The following ANO4 variants were observed in gnomAD, a reference collection of about 807,000 sequenced individuals.
ANO4 encodes anoctamin 4, also known as anoctamin-4.
A neutral mutation model predicts 141.9 loss-of-function variants in ANO4; 69 were observed. The ratio of observed to expected loss-of-function variants is 0.49; its 90% confidence interval spans 0.40 to 0.59. ANO4 has a LOEUF of 0.59. ANO4 is among the 20% of genes least tolerant of loss of function. ANO4 has a pLI of 0.00. For missense variants in ANO4, 894 were observed against 1,162.2 expected (o/e 0.77, Z 3.36); for synonymous variants, 350 against 394.3 (o/e 0.89, Z 1.33).
At chr12:100,837,494 G>A (rs1446910564) in intron 1 of ANO4, among the ~76,000 whole-genome samples, 2 of 151,960 alleles carry the variant, frequency 1.3e-5, no homozygotes, top group Admixed American at 6.6e-5. Context: ...TTGCTCTCTC[G>A]ACCGGGTGCA....
chr12:100,868,618 C>T (rs2038879005), intron 1 of ANO4, among the ~76,000 whole-genome samples: 1 of 152,136 alleles, frequency 6.6e-6, no homozygotes, highest in Non-Finnish European at 1.5e-5. Flanking sequence ...CACCCCCATC[C>T]CATTTTCCAG....
chr12:101,102,690 T>C (rs1453772074), intron 22 of ANO4, among the ~76,000 whole-genome samples: 1 of 152,114 alleles, frequency 6.6e-6, no homozygotes, highest in Non-Finnish European at 1.5e-5. Context: ...TGAAAAGAAA[T>C]TTCAGCTTCA....
rs565626418 is a variant in ANO4, at chr12:101,122,229, TG to T, written c.2676+1608del. Reference sequence around the variant, plus strand: ...TTTGTGTCCTTTGACCACTTTTTAATGGGGTTATTTGTTTTTTACATGTTGA... The same window carrying T: ...TTTGTGTCCTTTGACCACTTTTTAATGGGTTATTTGTTTTTTACATGTTGA... On this transcript the variant is annotated intron_variant, in intron 26 of 27. Coordinates refer to ENST00000392977, the MANE Select transcript of ANO4 (RefSeq NM_001286615.2). Among the ~76,000 whole-genome samples, 56 of 152,340 alleles carry T rather than the reference TG, an allele frequency of 3.7e-4. 1 individual carries two copies. Among genetic ancestry groups the T allele is most frequent in the African/African-American group, 1.1e-3 (46 of 41,582 alleles).
At chr12:101,126,835 G>T in intron 26 of ANO4, 44 bp from the exon 27 acceptor site, 1 of 1,558,282 alleles carries the variant, frequency 6.4e-7, no homozygotes, top group Non-Finnish European at 8.8e-7. Flanking sequence ...CCTCATTCAG[G>T]ATGCACAGTA....
chr12:101,091,846 TA>T (rs1329230314), intron 17 of ANO4, among the ~76,000 whole-genome samples: 2 of 152,210 alleles, frequency 1.3e-5, no homozygotes, highest in East Asian at 3.9e-4. Context: ...AAAATATTTT[TA>T]TATAGTATTT....
intron 1 of ANO4, chr12:100,717,619 C>T (rs1384966960): frequency 1.5e-5 from 6 of 398,948 alleles, no homozygotes; most frequent in African/African-American, 6.2e-5. Context: ...GTCGAAACAC[C>T]CGGGGAAACT....
intron 26 of ANO4, among the ~76,000 whole-genome samples, 166 bp downstream of exon 26, chr12:101,120,791 A>C (rs2051056073): frequency 6.6e-6 from 1 of 152,142 alleles, no homozygotes; most frequent in African/African-American, 2.4e-5. Context: ...TAATTGAAGT[A>C]TTTGATTTTT....
intron 19 of ANO4, among the ~76,000 whole-genome samples, chr12:101,096,951 T>C (rs1186225600): frequency 6.6e-6 from 1 of 152,132 alleles, no homozygotes. Context: ...GCCCCTGGCT[T>C]TCCCACCTAT....
At chr12:101,001,037 A>G (rs943368635) in intron 8 of ANO4, among the ~76,000 whole-genome samples, 1 of 151,584 alleles carries the variant, frequency 6.6e-6, no homozygotes, top group Non-Finnish European at 1.5e-5. Flanking sequence ...ATGTATATTT[A>G]TGTGTGCATG....
chr12:101,125,436 C>A (rs895231293), intron 26 of ANO4, among the ~76,000 whole-genome samples: 2 of 152,176 alleles, frequency 1.3e-5, no homozygotes, highest in African/African-American at 4.8e-5. Flanking sequence ...GACTTCCTCT[C>A]TTCCTATTTG....
intron 1 of ANO4, among the ~76,000 whole-genome samples, chr12:100,811,307 G>A (rs141801683): frequency 3.5e-4 from 53 of 152,212 alleles, no homozygotes; most frequent in African/African-American, 1.2e-3. Context: ...TTTTCCATTA[G>A]CAAAGGGTTA....
chr12:100,901,724 C>T lies in ANO4; in HGVS notation c.-62C>T, dbSNP rs767188493. The T allele has an allele frequency of 1.3e-5, 19 of 1,489,548 alleles. No individual in the cohort carries two copies. Among genetic ancestry groups the T allele is most frequent in the Admixed American group, 1.0e-4 (6 of 59,836 alleles). The allele number at this position is 1,489,548 out of a possible 1,614,324, so 92.3% of individuals were successfully genotyped here. ...CGAAGTGTGGCAAGCCGCCCAGCGT[C>T]ACGTCGTCGCCTGCCTGTGGTCAGG... On this transcript the variant is annotated 5_prime_UTR_variant, in exon 2 of 28. Transcript: ENST00000392977.
In ANO4 at chr12:100,853,821, A is replaced by C. The variant is rs567480512; in HGVS notation, c.-140-47825A>C. On this transcript the variant is annotated intron_variant, in intron 1 of 27. Transcript: ENST00000392977. The stretch of plus-strand genomic sequence containing the variant: ...AACGCAAGGATCTAAATACCATTTA[A>C]CTACAATCTTCCCATTCTTACATAT... Among the ~76,000 whole-genome samples the C allele has an allele frequency of 2.6e-5, 4 of 152,274 alleles. No individual in the cohort carries two copies. In the South Asian group the frequency reaches 6.2e-4, roughly 24 times the overall value.
chr12:100,914,779 A>C (rs1045806133), intron 2 of ANO4, among the ~76,000 whole-genome samples: 1 of 152,154 alleles, frequency 6.6e-6, no homozygotes, highest in Admixed American at 6.5e-5. Flanking sequence ...TGATGCCAGG[A>C]AAGTCTGTAA....
At chr12:100,955,252 G>T (rs2043133256) in intron 5 of ANO4, among the ~76,000 whole-genome samples, 1 of 152,244 alleles carries the variant, frequency 6.6e-6, no homozygotes, top group Non-Finnish European at 1.5e-5. Flanking sequence ...GGTAGGGACA[G>T]CTTCCGTCTG....
intron 1 of ANO4, among the ~76,000 whole-genome samples, chr12:100,856,860 A>G (rs2038200688): frequency 1.3e-5 from 2 of 152,028 alleles, no homozygotes; most frequent in Non-Finnish European, 1.5e-5. Context: ...TATGGGCTTG[A>G]TTTTTTTAGG....
chr12:101,030,785 C>T (rs2046942695), intron 9 of ANO4, among the ~76,000 whole-genome samples: 1 of 152,146 alleles, frequency 6.6e-6, no homozygotes, highest in African/African-American at 2.4e-5. Context: ...ACTGACCTCA[C>T]AGAAATACAA....
chr12:100,941,555 G>A (rs909502527), intron 4 of ANO4, among the ~76,000 whole-genome samples: 13 of 152,200 alleles, frequency 8.5e-5, no homozygotes, highest in African/African-American at 3.1e-4. Context: ...TGAATGAACT[G>A]TCTATAATTT....
chr12:100,863,837 A>G (rs2038610902), intron 1 of ANO4, among the ~76,000 whole-genome samples: 1 of 152,168 alleles, frequency 6.6e-6, no homozygotes, highest in Non-Finnish European at 1.5e-5. Context: ...TTCTTTATAA[A>G]CTACCCCGTA....
Sources: gnomAD v4.1 joint callset for allele counts (sites outside exome capture counted in the v4.1 genomes callset) on GRCh38, gnomAD v4.1.1 for gene constraint, MANE v1.5 for transcripts, NCBI Gene and HGNC (gene_info 2026-07-23, HGNC 2026-07-21) for gene names.